C14orf39: variants seen among roughly 807,000 people sequenced by gnomAD.
The protein encoded by C14orf39 is chromosome 14 open reading frame 39.
C14orf39 carries 66 observed loss-of-function variants against 85.6 expected under a neutral mutation model. That is an observed-to-expected ratio of 0.77 (90% CI 0.63 to 0.95). The LOEUF is 0.95. Among genes scored for constraint, C14orf39 ranks in the 40% least tolerant of loss-of-function variants. C14orf39 has a pLI of 0.00. For synonymous variants in C14orf39, 242 were observed against 214.0 expected (o/e 1.13, Z -1.14); for missense variants, 735 against 663.9 (o/e 1.11, Z -1.18).
chr14:60,450,938 T>G (rs995633007), intron 16 of C14orf39, among the ~76,000 whole-genome samples: 1 of 152,230 alleles, frequency 6.6e-6, no homozygotes, highest in Non-Finnish European at 1.5e-5. Context: ...ACAGCGTTAT[T>G]GGGCTTGGAG....
upstream of C14orf39, among the ~76,000 whole-genome samples, chr14:60,490,529 C>T (rs1003325336): frequency 3.3e-5 from 5 of 151,804 alleles, no homozygotes. Context: ...GAGGCTGGGG[C>T]GGGAAGATCA....
Position 60,469,661 on chromosome 14 carries a change from T to C in C14orf39, c.555-8A>G, listed in dbSNP as rs899525411. On this transcript the variant is annotated splice_polypyrimidine_tract_variant and splice_region_variant and intron_variant, in intron 7 of 17. Coordinates refer to ENST00000321731, the MANE Select transcript of C14orf39 (RefSeq NM_174978.3). ...TCACATCTCAAATTAACACTTTTTA[T>C]GTTAAGGAACTATGTCATATAAGTA... 33 of 1,177,992 alleles carry C rather than the reference T, an allele frequency of 2.8e-5. No individual in the cohort carries two copies. Among genetic ancestry groups the C allele is most frequent in the Admixed American group, 4.8e-5 (2 of 41,438 alleles). The allele number at this position is 1,177,992 out of a possible 1,614,324, so 73.0% of individuals were successfully genotyped here.
intron 14 of C14orf39, among the ~76,000 whole-genome samples, chr14:60,457,577 C>A (rs2140076875): frequency 6.6e-6 from 1 of 152,082 alleles, no homozygotes; most frequent in South Asian, 2.1e-4. Context: ...AATCTGAATA[C>A]TAATTTTCCT....
At position 60,436,655 on chromosome 14, in the gene C14orf39, G is replaced by C. The variant is rs183791077; in HGVS notation, c.*190C>G. ...CAAAATCAAAACCAAAATAAATAATGATTAGTTAATAGCACACACAAAACC... is the reference window on the plus strand; with the variant it reads ...CAAAATCAAAACCAAAATAAATAATCATTAGTTAATAGCACACACAAAACC... On this transcript the variant is annotated 3_prime_UTR_variant, in exon 18 of 18. Transcript: ENST00000321731. 5.0e-6 allele frequency: 2 copies of C among 398,824 alleles called. No individual in the cohort carries two copies. Among genetic ancestry groups the C allele is most frequent in the Admixed American group, 8.7e-5 (2 of 23,048 alleles). The allele number at this position is 398,824 out of a possible 1,614,324, so 24.7% of individuals were successfully genotyped here.
intron 4 of C14orf39, among the ~76,000 whole-genome samples, chr14:60,481,184 A>G (rs905894573): frequency 3.3e-5 from 5 of 152,242 alleles, no homozygotes; most frequent in African/African-American, 1.2e-4. Flanking sequence ...GTACACATAG[A>G]TCAAAATATC....
At chr14:60,458,804 T>A (rs1351533712) in intron 13 of C14orf39, 65 bp from the exon 14 acceptor site, 2 of 1,371,328 alleles carry the variant, frequency 1.5e-6, no homozygotes, top group East Asian at 4.7e-5. Flanking sequence ...AAACATAGTC[T>A]CGCCATTTGA....
chr14:60,502,178 T>C (rs1425155068), intron 1 of C14orf39, among the ~76,000 whole-genome samples: 1 of 152,184 alleles, frequency 6.6e-6, no homozygotes, highest in Non-Finnish European at 1.5e-5. Context: ...CATCCTCCCA[T>C]CTACCTTCAG....
intron 13 of C14orf39, among the ~76,000 whole-genome samples, chr14:60,459,986 T>C (rs183447837): frequency 3.0e-4 from 45 of 151,856 alleles, no homozygotes; most frequent in African/African-American, 9.6e-4. Flanking sequence ...TCTTTCATGA[T>C]TGGACTTTTT....
upstream of C14orf39, among the ~76,000 whole-genome samples, chr14:60,488,880 C>A (rs1892943897): frequency 6.6e-6 from 1 of 152,082 alleles, no homozygotes; most frequent in South Asian, 2.1e-4. Context: ...TTTAAACTCT[C>A]TGCAATCCTG....
intron 14 of C14orf39, among the ~76,000 whole-genome samples, chr14:60,457,360 T>C (rs887015845): frequency 5.3e-5 from 8 of 151,944 alleles, no homozygotes; most frequent in Non-Finnish European, 8.8e-5. Context: ...CCAGAACATA[T>C]TGGAATTGAT....
rs547691596 is a variant in C14orf39, at chr14:60,442,218, T to C, written c.1504-87A>G. 1.4e-5 allele frequency: 11 copies of C among 799,236 alleles called. No homozygotes were observed. The Admixed American group carries it at 1.8e-4, about 13-fold the overall frequency. The allele number at this position is 799,236 out of a possible 1,614,324, so 49.5% of individuals were successfully genotyped here. Reference sequence around the variant, plus strand: ...TATATTTGAATCTAAAGCTTAGTTCTTCTAACACACAGAATTAAAGTAGAC... The same window carrying C: ...TATATTTGAATCTAAAGCTTAGTTCCTCTAACACACAGAATTAAAGTAGAC... On this transcript the variant is annotated intron_variant, in intron 16 of 17. Transcript: ENST00000321731.
At position 60,471,577 on chromosome 14, in the gene C14orf39, A is replaced by C. The variant is rs1892080212; in HGVS notation, c.486T>G (p.Asn162Lys). The C allele has an allele frequency of 6.3e-7, 1 of 1,594,676 alleles. No individual in the cohort carries two copies. The highest frequency in any genetic ancestry group is 1.8e-5 in the Admixed American group (1 of 54,856). Reference sequence around the variant, plus strand: ...CTCGAAATTTCATAAAAATTGTTTCATTCATTTTTAATTGTTCAGTACATG... The same window carrying C: ...CTCGAAATTTCATAAAAATTGTTTCCTTCATTTTTAATTGTTCAGTACATG... ...VLACTEQLKM[N>K]ETIFMKFRVP... The change falls in exon 6 of 18, where the codon AAT becomes AAG. Residue 162 changes from asparagine to lysine, a missense_variant. Physicochemically the swap from Asn to Lys is moderately conservative, Grantham distance 94 (BLOSUM62 0). Coordinates refer to ENST00000321731, the MANE Select transcript of C14orf39 (RefSeq NM_174978.3).
At chr14:60,507,007 G>C (rs552506764) in intron 1 of C14orf39, among the ~76,000 whole-genome samples, 1 of 152,258 alleles carries the variant, frequency 6.6e-6, no homozygotes, top group South Asian at 2.1e-4. Flanking sequence ...AGAGGGAGAC[G>C]TGTGGTCTCC....
intron 13 of C14orf39, among the ~76,000 whole-genome samples, chr14:60,459,705 A>G (rs1043783400): frequency 1.3e-5 from 2 of 151,582 alleles, no homozygotes; most frequent in African/African-American, 4.8e-5. Flanking sequence ...ACCTCACTGT[A>G]GTTTTATTTT....
At chr14:60,455,248 G>T in intron 15 of C14orf39, 103 bp from the exon 16 acceptor site, 1 of 730,996 alleles carries the variant, frequency 1.4e-6, no homozygotes, top group African/African-American at 1.9e-5. Flanking sequence ...TAGCATAGTA[G>T]GGAAATGTAG....
At position 60,455,006 on chromosome 14, in the gene C14orf39, C is replaced by G. The variant is rs1175710595; in HGVS notation, c.1498G>C (p.Asp500His). ...SSVFDTEISS[D>H]QFNEHYSARN... is the part of the protein sequence containing the mutation. ...CTTTTGGCTTCTCATATTACCTGAT[C>G]TGATGAGATTTCTGTATCAAATACA... Residue 500 changes from aspartate to histidine, a missense_variant, in exon 16 of 18, where the codon GAT (aspartate) becomes CAT (histidine). Coordinates refer to ENST00000321731, the MANE Select transcript of C14orf39 (RefSeq NM_174978.3). The G allele has an allele frequency of 4.5e-6, 7 of 1,539,980 alleles. No individual in the cohort carries two copies. In the South Asian group the frequency reaches 7.6e-5, roughly 17 times the overall value.
intron 16 of C14orf39, among the ~76,000 whole-genome samples, chr14:60,443,223 C>T (rs1418959835): frequency 5.3e-5 from 8 of 152,166 alleles, no homozygotes; most frequent in African/African-American, 1.9e-4. Context: ...CAGGGCGTCC[C>T]CTCACCCGTG....
chr14:60,483,927 G>GA, intron 3 of C14orf39, 110 bp from the exon 4 acceptor site: 1 of 695,436 alleles, frequency 1.4e-6, no homozygotes, highest in Non-Finnish European at 2.3e-6. Flanking sequence ...GAGAGCCAGA[G>GA]AATGGAGAGG....
At position 60,470,036 on chromosome 14, in the gene C14orf39, T is replaced by C. The variant is rs73307412; in HGVS notation, c.555-383A>G. ...AATTTAACTTCTTATGCTTCCATTA[T>C]TTATTTGTTCAAAGACAATATTTAA... On this transcript the variant is annotated intron_variant, in intron 7 of 17. Coordinates refer to ENST00000321731, the MANE Select transcript of C14orf39 (RefSeq NM_174978.3). Among the ~76,000 whole-genome samples the C allele has an allele frequency of 2.9e-3, 443 of 151,348 alleles. 1 individual carries two copies. The highest frequency in any genetic ancestry group is 0.01 in the African/African-American group (426 of 41,408).
Sources: gnomAD v4.1 joint callset for allele counts (sites outside exome capture counted in the v4.1 genomes callset) on GRCh38, gnomAD v4.1.1 for gene constraint, MANE v1.5 for transcripts, NCBI Gene and HGNC (gene_info 2026-07-23, HGNC 2026-07-21) for gene names.